SPEG: variants seen among roughly 807,000 people sequenced by gnomAD.
The protein encoded by SPEG is striated muscle preferentially expressed protein kinase.
In SPEG, 114 loss-of-function variants were observed where a neutral mutation model predicts 300.4. The ratio of observed to expected loss-of-function variants is 0.38; its 90% CI spans 0.33 to 0.44. SPEG has a LOEUF of 0.44. Ranked by LOEUF, SPEG falls within the 20% of genes least tolerant of loss-of-function variation. The pLI, the probability that SPEG is intolerant of heterozygous loss-of-function variation, is 1.00. For synonymous variants in SPEG, 1,964 were observed against 2,018.9 expected (o/e 0.97, Z 0.73); for missense variants, 4,201 against 4,586.2 (o/e 0.92, Z 2.43).
chr2:219,480,588 C>T lies in SPEG; in HGVS notation c.5343-83C>T, dbSNP rs1444781163. 1 of 1,450,534 alleles carries T rather than the reference C, an allele frequency of 6.9e-7. No individual in the cohort carries two copies. The highest frequency in any genetic ancestry group is 1.4e-5 in the African/African-American group (1 of 71,614). 89.9% of individuals were successfully genotyped at this position (1,450,534 alleles called of 1,614,324 possible). On this transcript the variant is annotated intron_variant, in intron 25 of 40. Transcript: ENST00000312358. The surrounding 1 kb of genome is among the most constrained non-coding windows in gnomAD (Gnocchi z 5.3). The stretch of plus-strand genomic sequence containing the variant: ...GTGTTCCCAGGGAGGTAACAGCTCA[C>T]TCAGGTCAGCAGTAGCAAAGAACTG...
rs1693034967 is a variant in SPEG at position 219,483,219 on chromosome 2, C to T, written c.5756C>T (p.Ser1919Leu). Residue 1919 changes from serine to leucine, a missense_variant, in exon 30 of 41, where the codon TCA becomes TTA. By Grantham distance (145) the Ser-to-Leu change is moderately radical (BLOSUM62 -2). Coordinates refer to ENST00000312358, the MANE Select transcript of SPEG (RefSeq NM_005876.5). ...AGGCCACCCCCCAGTGGGGGGCTCT[C>T]ATCCTCCTCGGATTCTGAAGAGGAA... Reference protein sequence around the residue: ...PRRPPPSGGLSSSSDSEEEEL... With the variant: ...PRRPPPSGGLLSSSDSEEEEL... 1 of 1,610,282 alleles carries T rather than the reference C, an allele frequency of 6.2e-7. No individual in the cohort carries two copies. The highest frequency in any genetic ancestry group is 8.5e-7 in the Non-Finnish European group (1 of 1,179,020).
In SPEG at chr2:219,485,034, C is replaced by A; in HGVS notation, c.7571C>A (p.Ser2524Tyr). ...GGCGCCACCACGCCTTCCGCCGAGT[C>A]CCTGGGCTCCGAGGCCAGCGCCACG... is the stretch of plus-strand genomic sequence containing the variant. ...QAGATTPSAE[S>Y]LGSEASATSG... Residue 2524 changes from serine (S) to tyrosine (Y), a missense_variant, in exon 30 of 41, where the codon TCC (serine) becomes TAC (tyrosine). This residue lies in a region of SPEG where 1,578 missense variants were observed against 1,506.0 expected (regional missense o/e 1.05). Coordinates refer to ENST00000312358, the MANE Select transcript of SPEG (RefSeq NM_005876.5). 1.3e-6 allele frequency: 2 copies of A among 1,532,396 alleles called. No individual in the cohort carries two copies. Among genetic ancestry groups the A allele is most frequent in the Non-Finnish European group, 1.7e-6 (2 of 1,145,926 alleles). 94.9% of individuals were successfully genotyped at this position (1,532,396 alleles called of 1,614,324 possible).
Position 219,439,667 on chromosome 2 carries a change from C to T in SPEG, c.388+4302C>T, listed in dbSNP as rs1025249851. 6.6e-6 allele frequency among the ~76,000 whole-genome samples: 1 copy of T among 152,108 alleles called. No homozygotes were observed. The highest frequency in any genetic ancestry group is 2.1e-4 in the South Asian group (1 of 4,818). The stretch of plus-strand genomic sequence containing the variant: ...GGCAATCTGGGGCCAGCTGGGGAGG[C>T]CCACCCAGAGAGCATGTTCCAGGCC... On this transcript the variant is annotated intron_variant, in intron 1 of 40. Transcript: ENST00000312358. This position sits in a 1 kb window ranked among gnomAD's most constrained non-coding sequence, Gnocchi z 4.5.
chr2:219,467,596 A>G (rs780290509), intron 10 of SPEG, among the ~76,000 whole-genome samples, 162 bp downstream of exon 10: 2 of 152,178 alleles, frequency 1.3e-5, no homozygotes, highest in Non-Finnish European at 2.9e-5. Context: ...TAAAATAAGC[A>G]CTTAGAATAG....
chr2:219,464,701 C>T lies in SPEG; in HGVS notation c.2881+93C>T, dbSNP rs1316160137. 1.5e-6 allele frequency: 2 copies of T among 1,358,382 alleles called. No homozygotes were observed. Among genetic ancestry groups the T allele is most frequent in the Non-Finnish European group, 1.0e-6 (1 of 974,578 alleles). The allele number at this position is 1,358,382 out of a possible 1,614,324, so 84.1% of individuals were successfully genotyped here. On this transcript the variant is annotated intron_variant, in intron 9 of 40. Coordinates refer to ENST00000312358, the MANE Select transcript of SPEG (RefSeq NM_005876.5). This position sits in a 1 kb window ranked among gnomAD's most constrained non-coding sequence, Gnocchi z 4.5. ...TCACACAGCCTCAGTTAGAGGATGC[C>T]ACCACTGAAAGGGCCTTAAGGGGCC...
chr2:219,485,149 A>G, intron 30 of SPEG, 77 bp downstream of exon 30: 1 of 1,505,366 alleles, frequency 6.6e-7, no homozygotes, highest in Non-Finnish European at 8.9e-7. Flanking sequence ...GGAGGAGCAG[A>G]GGGCTGGGGA....
At chr2:219,450,681 C>T (rs1448059322) in intron 4 of SPEG, 2 of 152,938 alleles carry the variant, frequency 1.3e-5, no homozygotes, top group African/African-American at 4.8e-5. Flanking sequence ...ACACATTTGA[C>T]AATTCACCTC....
rs777527240 is a variant in SPEG at position 219,473,619 on chromosome 2, C to T, written c.4263C>T (p.Val1421=). The part of the protein sequence containing the change: ...VTFNHVEAQV[V]WRSCRGALLE... Reference sequence around the variant, plus strand: ...TCAACCATGTGGAGGCCCAGGTCGTCTGGAGGAGGTGGGCCCCTTTCCCAC... The same window carrying T: ...TCAACCATGTGGAGGCCCAGGTCGTTTGGAGGAGGTGGGCCCCTTTCCCAC... Residue 1421 remains valine, a synonymous_variant, in exon 17 of 41, where the codon GTC becomes GTT. Transcript: ENST00000312358. This position sits in a 1 kb window ranked among gnomAD's most constrained non-coding sequence, Gnocchi z 4.6. 1 of 1,614,196 alleles carries T rather than the reference C, an allele frequency of 6.2e-7. No individual in the cohort carries two copies.
chr2:219,449,347 C>A, intron 4 of SPEG, 76 bp downstream of exon 4: 2 of 1,191,394 alleles, frequency 1.7e-6, no homozygotes, highest in Non-Finnish European at 2.2e-6. Context: ...GACTGCTCAG[C>A]AGGAGCCGGG....
At position 219,488,833 on chromosome 2, in the gene SPEG, G is replaced by A. The variant is rs758493822; in HGVS notation, c.8082G>A (p.Ala2694=). 24 of 1,593,656 alleles carry A rather than the reference G, an allele frequency of 1.5e-5. No individual in the cohort carries two copies. The highest frequency in any genetic ancestry group is 1.7e-4 in the Middle Eastern group (1 of 6,038). Residue 2694 remains alanine (A), a synonymous_variant, in exon 34 of 41, where the codon GCG becomes GCA. Transcript: ENST00000312358. ...TACCCCAGACCTACCAGGACACGGCGCTGGTGCTGTGGAAGCCGGGAGACA... is the reference window on the plus strand; with the variant it reads ...TACCCCAGACCTACCAGGACACGGCACTGGTGCTGTGGAAGCCGGGAGACA... ...PEVPQTYQDT[A]LVLWKPGDSR...
At position 219,485,015 on chromosome 2, in the gene SPEG, A is replaced by C; in HGVS notation, c.7552A>C (p.Thr2518Pro). The C allele has an allele frequency of 6.5e-7, 1 of 1,531,854 alleles. No individual in the cohort carries two copies. The highest frequency in any genetic ancestry group is 2.5e-5 in the East Asian group (1 of 40,712). 94.9% of individuals were successfully genotyped at this position (1,531,854 alleles called of 1,614,324 possible). A position where few individuals can be genotyped will look rare whatever the true frequency, so the allele number is the denominator to read the frequency against. ...HNQLAAQAGA[T>P]TPSAESLGSE... ...CCAGTTGGCCGCCCAGGCCGGCGCC[A>C]CCACGCCTTCCGCCGAGTCCCTGGG... The change falls in exon 30 of 41, where the codon ACC (threonine) becomes CCC (proline). Residue 2518 changes from threonine to proline, a missense_variant. Physicochemically the swap from Thr to Pro is conservative, Grantham distance 38. Coordinates refer to ENST00000312358, the MANE Select transcript of SPEG (RefSeq NM_005876.5).
In SPEG at chr2:219,480,117, C is replaced by G. The variant is rs376664998; in HGVS notation, c.5319C>G (p.Pro1773=). ...FVAPEIVNQS[P]VSGVTDIWPV... ...CACCCGAGATTGTCAATCAGAGCCC[C>G]GTGTCTGGAGTCACTGACATCTGGT... Residue 1773 remains proline (P), a synonymous_variant, in exon 25 of 41, where the codon CCC becomes CCG. Coordinates refer to ENST00000312358, the MANE Select transcript of SPEG (RefSeq NM_005876.5). This position sits in a 1 kb window ranked among gnomAD's most constrained non-coding sequence, Gnocchi z 5.3. 1 of 1,613,880 alleles carries G rather than the reference C, an allele frequency of 6.2e-7. No homozygotes were observed. The highest frequency in any genetic ancestry group is 8.5e-7 in the Non-Finnish European group (1 of 1,180,012).
Position 219,483,220 on chromosome 2 carries a change from A to T in SPEG, c.5757A>T (p.Ser1919=). ...PRRPPPSGGL[S]SSSDSEEEEL... Reference sequence around the variant, plus strand: ...GGCCACCCCCCAGTGGGGGGCTCTCATCCTCCTCGGATTCTGAAGAGGAAG... The same window carrying T: ...GGCCACCCCCCAGTGGGGGGCTCTCTTCCTCCTCGGATTCTGAAGAGGAAG... Residue 1919 remains serine (S), a synonymous_variant, in exon 30 of 41, where the codon TCA becomes TCT. Coordinates refer to ENST00000312358, the MANE Select transcript of SPEG (RefSeq NM_005876.5). 6.2e-7 allele frequency: 1 copy of T among 1,610,126 alleles called. No homozygotes were observed. Among genetic ancestry groups the T allele is most frequent in the Non-Finnish European group, 8.5e-7 (1 of 1,178,958 alleles).
At chr2:219,442,123 G>A (rs1688964448) in intron 1 of SPEG, 2 of 1,164,256 alleles carry the variant, frequency 1.7e-6, no homozygotes. Flanking sequence ...GAGGGGGCAG[G>A]GAGGCCTGGG....
chr2:219,447,909 C>A, intron 3 of SPEG, 65 bp from the exon 4 acceptor site: 1 of 1,484,288 alleles, frequency 6.7e-7, no homozygotes, highest in Non-Finnish European at 9.2e-7. Context: ...ATTCCTGTCA[C>A]AAGCTAAGGG....
intron 3 of SPEG, among the ~76,000 whole-genome samples, chr2:219,447,206 A>G (rs905810742): frequency 4.4e-5 from 1 of 22,570 alleles, no homozygotes; most frequent in Non-Finnish European, 1.3e-4. Flanking sequence ...TTCAGAGCAT[A>G]TCCCTGTGGG....
chr2:219,482,878 G>A (rs1172883991), intron 29 of SPEG, 26 bp downstream of exon 29: 3 of 1,608,452 alleles, frequency 1.9e-6, no homozygotes, highest in Non-Finnish European at 2.6e-6. Context: ...CAGCCTCTGT[G>A]CTTTCCACCT....
Position 219,449,035 on chromosome 2 carries a change from C to A in SPEG, c.1877C>A (p.Pro626His). ...CCCCCAGAGGCCAGGACGAAAGCAC[C>A]CCCCGGTCGGAAGCGGGAGCCCCCG... ...ADPPEARTKA[P>H]PGRKREPPAQ... Residue 626 changes from proline (P) to histidine (H), a missense_variant, in exon 4 of 41, where the codon CCC becomes CAC. Pro to His is a moderately conservative substitution (Grantham distance 77, BLOSUM62 -2). Transcript: ENST00000312358. 3.3e-6 allele frequency: 5 copies of A among 1,519,816 alleles called. No homozygotes were observed. The highest frequency in any genetic ancestry group is 4.4e-6 in the Non-Finnish European group (5 of 1,133,756). The allele number at this position is 1,519,816 out of a possible 1,614,324, so 94.1% of individuals were successfully genotyped here. A position where few individuals can be genotyped will look rare whatever the true frequency, so the allele number is the denominator to read the frequency against.
intron 13 of SPEG, among the ~76,000 whole-genome samples, chr2:219,469,911 A>G (rs75947490): frequency 6.9e-4 from 105 of 152,282 alleles, no homozygotes; most frequent in Non-Finnish European, 1.3e-3. Flanking sequence ...ACAAATAGCA[A>G]ATAACGAAGA....
Sources: gnomAD v4.1 joint callset for allele counts (sites outside exome capture counted in the v4.1 genomes callset) on GRCh38, gnomAD v4.1.1 for gene constraint, gnomAD v4.1.1 regional missense constraint, Gnocchi (gnomAD v3.1) non-coding constraint, MANE v1.5 for transcripts, NCBI Gene and HGNC (gene_info 2026-07-23, HGNC 2026-07-21) for gene names.